The following CAMSAP1 variants were observed in gnomAD, a reference collection of about 807,000 sequenced individuals.
CAMSAP1 encodes calmodulin-regulated spectrin-associated protein 1.
Under a neutral mutation model 143.5 loss-of-function variants are expected in CAMSAP1, and 58 were observed. That is an observed-to-expected ratio of 0.40 (90% confidence interval 0.33 to 0.50). The LOEUF is 0.50. CAMSAP1 is among the 20% of genes least tolerant of loss of function. The pLI, the probability that CAMSAP1 is intolerant of heterozygous loss-of-function variation, is 0.45. For synonymous variants in CAMSAP1, 945 were observed against 859.3 expected, an observed-to-expected ratio of 1.10 and a Z score of -1.74; for missense variants, 1,969 against 2,115.7, an observed-to-expected ratio of 0.93 and a Z score of 1.36.
At chr9:135,839,037 C>T (rs1006580772) in intron 7 of CAMSAP1, among the ~76,000 whole-genome samples, 4 of 152,164 alleles carry the variant, frequency 2.6e-5, no homozygotes, top group African/African-American at 9.7e-5. Flanking sequence ...CTTTCTACTC[C>T]ATTCTCAAGA....
rs1179245485 is a variant in CAMSAP1, at chr9:135,818,979, A to G, written c.3959+31T>C. ...CCAGGGACCCACCAGGCTCCTGCTC[A>G]GTCTGCTTTCCCCCCCGGCGGGACG... On this transcript the variant is annotated intron_variant, in intron 12 of 16. Transcript: ENST00000389532. The surrounding 1 kb of genome is among the most constrained non-coding windows in gnomAD (Gnocchi z 7.7). 12 of 1,599,588 alleles carry G rather than the reference A, an allele frequency of 7.5e-6. No homozygotes were observed. The highest frequency in any genetic ancestry group is 1.7e-5 in the Admixed American group (1 of 59,496).
chr9:135,906,513 C>G (rs929150246), intron 1 of CAMSAP1, among the ~76,000 whole-genome samples: 1 of 152,212 alleles, frequency 6.6e-6, no homozygotes, highest in Non-Finnish European at 1.5e-5. Flanking sequence ...AAGCACAATG[C>G]GCGGAATACG....
At chr9:135,881,930 G>C in intron 2 of CAMSAP1, 136 bp from the exon 3 acceptor site, 1 of 1,070,192 alleles carries the variant, frequency 9.3e-7, no homozygotes, top group Non-Finnish European at 1.3e-6. Context: ...GAGATACTCA[G>C]ATTTGAGACC....
chr9:135,858,937 A>G (rs1837076445), intron 5 of CAMSAP1, among the ~76,000 whole-genome samples: 1 of 152,184 alleles, frequency 6.6e-6, no homozygotes, highest in Non-Finnish European at 1.5e-5. Flanking sequence ...TTCTGCCCAC[A>G]TTGAAGGCAG....
At chr9:135,885,435 G>A (rs745995424) in intron 1 of CAMSAP1, among the ~76,000 whole-genome samples, 19 of 152,188 alleles carry the variant, frequency 1.2e-4, no homozygotes, top group Non-Finnish European at 2.6e-4. Context: ...CACAGCTGAG[G>A]AGAAAGGCCC....
At chr9:135,865,335 C>G (rs1383399634) in intron 4 of CAMSAP1, 1 of 1,550,584 alleles carries the variant, frequency 6.4e-7, no homozygotes, top group South Asian at 1.2e-5. Flanking sequence ...CACTTACAGG[C>G]ACTAACTTCC....
chr9:135,815,093 T>C lies in CAMSAP1; in HGVS notation c.4506+4A>G, dbSNP rs1296374503. 19 of 1,594,338 alleles carry C rather than the reference T, an allele frequency of 1.2e-5. No individual in the cohort carries two copies. Among genetic ancestry groups the C allele is most frequent in the Middle Eastern group, 1.7e-4 (1 of 6,044 alleles). On this transcript the variant is annotated splice_donor_region_variant and intron_variant, in intron 16 of 16. Transcript: ENST00000389532. ...AAAAACTGAGGTTGAAACATGATACTTGCCTCCAATATGGAATTCTTGTGG... is the reference window on the plus strand; with the variant it reads ...AAAAACTGAGGTTGAAACATGATACCTGCCTCCAATATGGAATTCTTGTGG...
At chr9:135,836,773 G>A (rs1836067015) in intron 7 of CAMSAP1, 1 of 978,344 alleles carries the variant, frequency 1.0e-6, no homozygotes, top group African/African-American at 1.9e-5. Flanking sequence ...CTTCTACCCT[G>A]TTCTACAGAC....
At chr9:135,819,428 A>G (rs185345986) in intron 11 of CAMSAP1, among the ~76,000 whole-genome samples, 254 of 152,276 alleles carry the variant, frequency 1.7e-3, no homozygotes, top group South Asian at 6.2e-3. Flanking sequence ...GCTGGGCAGA[A>G]TGGCTCATTC....
chr9:135,884,987 G>A (rs1056934729), intron 1 of CAMSAP1, among the ~76,000 whole-genome samples: 2 of 152,124 alleles, frequency 1.3e-5, no homozygotes, highest in East Asian at 1.9e-4. Context: ...AGTTCACACC[G>A]GCTGCGGGGA....
At chr9:135,897,845 G>C (rs1014994993) in intron 1 of CAMSAP1, among the ~76,000 whole-genome samples, 1 of 152,126 alleles carries the variant, frequency 6.6e-6, no homozygotes, top group Admixed American at 6.5e-5. Flanking sequence ...ATATATTCAG[G>C]CCACAGTTGA....
At position 135,827,457 on chromosome 9, in the gene CAMSAP1, C is replaced by T. The variant is rs138461787; in HGVS notation, c.1173G>A (p.Pro391=). Residue 391 remains proline (P), a synonymous_variant, in exon 8 of 17, where the codon CCG becomes CCA. Transcript: ENST00000389532. The part of the protein sequence containing the change: ...LAELQPPVQL[P]AEGCHRHYLH... ...GGTAGTGCCTGTGACAGCCTTCCGC[C>T]GGCAGCTGCACGGGGGGCTGCAGCT... 4.7e-3 allele frequency: 7,465 copies of T among 1,602,868 alleles called. 50 individuals are homozygous for T. Among genetic ancestry groups the T allele is most frequent in the South Asian group, 0.016 (1,477 of 90,360 alleles).
chr9:135,892,867 A>AAAAAAAAAAAAAAAAAAAAAAAAG (rs1554800261), intron 1 of CAMSAP1, among the ~76,000 whole-genome samples: 2 of 147,750 alleles, frequency 1.4e-5, no homozygotes, highest in African/African-American at 5.1e-5. Context: ...AAAAAAAAAA[A>AAAAAAAAAAAAAAAAAAAAAAAAG]GAACTAATCA....
At chr9:135,887,696 G>A (rs761648477) in intron 1 of CAMSAP1, among the ~76,000 whole-genome samples, 1 of 152,188 alleles carries the variant, frequency 6.6e-6, no homozygotes, top group Non-Finnish European at 1.5e-5. Context: ...ATGTTAAGCA[G>A]GAGGCAGGGC....
rs60377963 is a variant in CAMSAP1, at chr9:135,826,193, A to AGCTTCTTGT, written c.1223+1213_1223+1214insACAAGAAGC. On this transcript the variant is annotated intron_variant, in intron 8 of 16. Coordinates refer to ENST00000389532, the MANE Select transcript of CAMSAP1 (RefSeq NM_015447.4). This position sits in a 1 kb window ranked among gnomAD's most constrained non-coding sequence, Gnocchi z 4.4. ...ACAGAGCAGCGTGTACACGGGCACCAGCACACACACACACACACACACGGC... is the reference window on the plus strand; with the variant it reads ...ACAGAGCAGCGTGTACACGGGCACCAGCTTCTTGTGCACACACACACACACACACACGGC... 813 of 146,244 alleles carry AGCTTCTTGT rather than the reference A, an allele frequency of 5.6e-3. 6 individuals carry two copies. The highest frequency in any genetic ancestry group is 0.019 in the African/African-American group (773 of 40,164). 9.1% of individuals were successfully genotyped at this position (146,244 alleles called of 1,614,324 possible).
At position 135,824,666 on chromosome 9, in the gene CAMSAP1, A is replaced by AAAAC. The variant is rs199880223; in HGVS notation, c.1315+119_1315+122dup. ...GTGACAGAGCAAGACTCCATCTCAA[A>AAAAC]AAACAAACAAACAAACAAAAAAATC... On this transcript the variant is annotated intron_variant, in intron 9 of 16. Transcript: ENST00000389532. The surrounding 1 kb of genome is among the most constrained non-coding windows in gnomAD (Gnocchi z 4.1). The AAAAC allele has an allele frequency of 1.8e-5, 14 of 798,518 alleles. No homozygotes were observed. Among genetic ancestry groups the AAAAC allele is most frequent in the South Asian group, 8.0e-5 (4 of 50,078 alleles). The allele number at this position is 798,518 out of a possible 1,614,324, so 49.5% of individuals were successfully genotyped here.
Position 135,821,687 on chromosome 9 carries a change from C to T in CAMSAP1, c.2974G>A (p.Ala992Thr), listed in dbSNP as rs749388242. ...TTATTTCTCTCCAGCTCGTGCAGAG[C>T]CACAGGGTCTTTTGCTTTATGTTGC... is the stretch of plus-strand genomic sequence containing the variant. Reference protein sequence around the residue: ...AQQHKAKDPVALHELERNKVI... With the variant: ...AQQHKAKDPVTLHELERNKVI... Residue 992 changes from alanine (A) to threonine (T), a missense_variant, in exon 11 of 17, where the codon GCT (alanine) becomes ACT (threonine). By Grantham distance (58) the Ala-to-Thr change is moderately conservative. This residue lies in a region of CAMSAP1 where 1,390 missense variants were observed against 1,420.8 expected (regional missense o/e 0.98). Coordinates refer to ENST00000389532, the MANE Select transcript of CAMSAP1 (RefSeq NM_015447.4). The surrounding 1 kb of genome is among the most constrained non-coding windows in gnomAD (Gnocchi z 4.6). 1 of 1,614,052 alleles carries T rather than the reference C, an allele frequency of 6.2e-7. No homozygotes were observed. Among genetic ancestry groups the T allele is most frequent in the South Asian group, 1.1e-5 (1 of 91,082 alleles).
rs376511463 is a variant in CAMSAP1 at position 135,882,256 on chromosome 9, G to A, written c.424-462C>T. ...ACGCCTTAGTGCAGCTTCCTCATTC[G>A]ACAGGAATGACACTCTCTTCAACCA... is the stretch of plus-strand genomic sequence containing the variant. On this transcript the variant is annotated intron_variant, in intron 2 of 16. Transcript: ENST00000389532. The surrounding 1 kb of genome is among the most constrained non-coding windows in gnomAD (Gnocchi z 4.9). 1.8e-4 allele frequency among the ~76,000 whole-genome samples: 27 copies of A among 152,212 alleles called. No homozygotes were observed. The highest frequency in any genetic ancestry group is 6.0e-4 in the African/African-American group (25 of 41,514).
In CAMSAP1 at chr9:135,865,200, T is replaced by TA. The variant is rs139498953; in HGVS notation, c.666+1255dup. 4,128 of 848,854 alleles carry TA rather than the reference T, an allele frequency of 4.9e-3. 139 individuals are homozygous for TA. The African/African-American group carries it at 0.063, about 13-fold the overall frequency. The allele number at this position is 848,854 out of a possible 1,614,324, so 52.6% of individuals were successfully genotyped here. On this transcript the variant is annotated intron_variant, in intron 4 of 16. Coordinates refer to ENST00000389532, the MANE Select transcript of CAMSAP1 (RefSeq NM_015447.4). ...CAGGCCAATTCTTGTACTATATAAA[T>TA]AACTCCAAGGTGGGACATTTAAACA...
Sources: allele counts gnomAD v4.1 joint callset (sites outside exome capture counted in the v4.1 genomes callset), GRCh38; gene constraint gnomAD v4.1.1; regional missense constraint gnomAD v4.1.1; non-coding constraint Gnocchi (gnomAD v3.1); transcripts MANE v1.5; gene names NCBI Gene and HGNC (gene_info 2026-07-23, HGNC 2026-07-21).